Variants in ABCC4 observed in about 807,000 individuals in gnomAD.
The protein encoded by ABCC4 is ATP binding cassette subfamily C member 4 (PEL blood group), also known as ATP-binding cassette sub-family C member 4.
Under a neutral mutation model 168.5 loss-of-function variants are expected in ABCC4, and 102 were observed. That is an observed-to-expected ratio of 0.61 (90% CI 0.52 to 0.71). ABCC4 has a LOEUF of 0.71. Among genes scored for constraint, ABCC4 ranks in the 30% least tolerant of loss-of-function variants. The pLI is 0.00. For synonymous variants in ABCC4, 617 were observed against 590.7 expected, an observed-to-expected ratio of 1.04 and a Z score of -0.65; for missense variants, 1,402 against 1,605.8, an observed-to-expected ratio of 0.87 and a Z score of 2.17.
chr13:95,288,024 G>A (rs1000277026), intron 1 of ABCC4, among the ~76,000 whole-genome samples: 15 of 151,882 alleles, frequency 9.9e-5, no homozygotes, highest in Admixed American at 2.6e-4. Flanking sequence ...CCTGGGCAAC[G>A]GAGTGAGACT....
At chr13:95,048,572 C>T (rs2032692318) in intron 27 of ABCC4, among the ~76,000 whole-genome samples, 1 of 152,188 alleles carries the variant, frequency 6.6e-6, no homozygotes, top group Admixed American at 6.5e-5. Flanking sequence ...AGCGGAAGCC[C>T]ATTCTGGGCA....
intron 20 of ABCC4, among the ~76,000 whole-genome samples, chr13:95,113,216 G>A (rs910719186): frequency 1.3e-5 from 2 of 152,054 alleles, no homozygotes; most frequent in Admixed American, 6.5e-5. Flanking sequence ...AAAGATCAAC[G>A]ACTTTAAGCA....
At chr13:95,182,824 A>G (rs1439565936) in intron 11 of ABCC4, among the ~76,000 whole-genome samples, 1 of 152,208 alleles carries the variant, frequency 6.6e-6, no homozygotes, top group South Asian at 2.1e-4. Context: ...TACCCACTAA[A>G]GTATCTAACA....
At chr13:95,035,322 G>A (rs1342976020) in intron 29 of ABCC4, among the ~76,000 whole-genome samples, 2 of 152,182 alleles carry the variant, frequency 1.3e-5, no homozygotes, top group Non-Finnish European at 2.9e-5. Context: ...TGAGGTTAAG[G>A]TGCATTCTGA....
chr13:95,021,594 A>G lies in ABCC4; in HGVS notation c.3959T>C (p.Ile1320Thr), dbSNP rs774401052. The change falls in exon 31 of 31, where the codon ATT becomes ACT. Residue 1320 changes from isoleucine (I) to threonine (T), a missense_variant. Transcript: ENST00000645237. ...TSNGQPSTLT[I>T]FETAL Reference sequence around the variant, plus strand: ...TTGGATTCACAGTGCTGTCTCGAAAATAGTTAAGGTCGAGGGCTGTCCATT... The same window carrying G: ...TTGGATTCACAGTGCTGTCTCGAAAGTAGTTAAGGTCGAGGGCTGTCCATT... 37 of 1,611,382 alleles carry G rather than the reference A, an allele frequency of 2.3e-5. 1 individual carries two copies. The highest frequency in any genetic ancestry group is 2.1e-4 in the South Asian group (19 of 90,934).
chr13:95,232,350 T>C (rs1320887557), intron 4 of ABCC4, among the ~76,000 whole-genome samples: 1 of 152,182 alleles, frequency 6.6e-6, no homozygotes, highest in Non-Finnish European at 1.5e-5. Flanking sequence ...ACGGACACTC[T>C]GGATAAGTGA....
intron 25 of ABCC4, among the ~76,000 whole-genome samples, chr13:95,064,172 T>C (rs1322689245): frequency 6.6e-6 from 1 of 150,994 alleles, no homozygotes; most frequent in South Asian, 2.1e-4. Context: ...AACTTTGGAG[T>C]CATATTCTAC....
chr13:95,197,513 T>A (rs2038491803), intron 8 of ABCC4, among the ~76,000 whole-genome samples: 1 of 152,132 alleles, frequency 6.6e-6, no homozygotes, highest in South Asian at 2.1e-4. Flanking sequence ...GAGACTCCAC[T>A]CAACACATGA....
chr13:95,288,254 C>T (rs559190277), intron 1 of ABCC4, among the ~76,000 whole-genome samples: 3 of 152,204 alleles, frequency 2.0e-5, no homozygotes, highest in South Asian at 4.2e-4. Flanking sequence ...CAATAACTAG[C>T]TTCTCACTTG....
intron 16 of ABCC4, 46 bp downstream of exon 16, chr13:95,164,332 A>C (rs750958617): frequency 6.2e-7 from 1 of 1,607,414 alleles, no homozygotes; most frequent in Non-Finnish European, 8.5e-7. Flanking sequence ...AAACATAGGT[A>C]CTGTAAATAT....
At chr13:95,090,406 A>G (rs2034393876) in intron 20 of ABCC4, among the ~76,000 whole-genome samples, 2 of 152,296 alleles carry the variant, frequency 1.3e-5, no homozygotes, top group South Asian at 2.1e-4. Context: ...GCTGGTATCC[A>G]TGGCTGAGAG....
intron 8 of ABCC4, among the ~76,000 whole-genome samples, chr13:95,204,551 GA>G (rs886362020): frequency 3.3e-5 from 5 of 152,150 alleles, no homozygotes; most frequent in African/African-American, 9.7e-5. Context: ...ACCCTGTGAA[GA>G]AAGTGCCTGC....
chr13:95,169,197 T>C (rs571575293), intron 14 of ABCC4, among the ~76,000 whole-genome samples: 5 of 152,288 alleles, frequency 3.3e-5, no homozygotes, highest in Admixed American at 3.3e-4. Flanking sequence ...CTCAGAACAG[T>C]GAGACAATAC....
intron 1 of ABCC4, among the ~76,000 whole-genome samples, chr13:95,292,411 T>C (rs2041425437): frequency 6.6e-6 from 1 of 152,102 alleles, no homozygotes; most frequent in Non-Finnish European, 1.5e-5. Context: ...TTGAATACTA[T>C]GAGGCGAGCA....
intron 4 of ABCC4, among the ~76,000 whole-genome samples, chr13:95,234,390 AC>A (rs1379020293): frequency 1.3e-5 from 2 of 152,222 alleles, no homozygotes; most frequent in East Asian, 3.8e-4. Context: ...AAGAAAAAAA[AC>A]ATTGGCCTGA....
intron 29 of ABCC4, among the ~76,000 whole-genome samples, chr13:95,038,374 CAAA>C (rs74617293): frequency 4.1e-5 from 4 of 97,644 alleles, no homozygotes; most frequent in Non-Finnish European, 5.7e-5. Flanking sequence ...AGCCCATACT[CAAA>C]AAAAAAAAAA....
At chr13:95,267,787 G>C (rs181831784) in intron 1 of ABCC4, among the ~76,000 whole-genome samples, 1 of 152,288 alleles carries the variant, frequency 6.6e-6, no homozygotes, top group African/African-American at 2.4e-5. Flanking sequence ...GATGACTCAG[G>C]ATGGGGGCTG....
In ABCC4 at chr13:95,209,558, G is replaced by A; in HGVS notation, c.661C>T (p.Gln221Ter). 3.1e-6 allele frequency: 5 copies of A among 1,614,104 alleles called. No individual in the cohort carries two copies. Among genetic ancestry groups the A allele is most frequent in the Non-Finnish European group, 4.2e-6 (5 of 1,179,956 alleles). Residue 221 changes from glutamine to a stop codon, truncating the protein, a stop_gained, in exon 6 of 31, where the codon CAG (glutamine) becomes TAG (stop). Coordinates refer to ENST00000645237, the MANE Select transcript of ABCC4 (RefSeq NM_005845.5). LOFTEE classifies it high-confidence loss of function. ...AGTAGGGCAGTCACTGCAATCGCCT[G>A]CAGTGGTCCTGCCCACAGGAAGTGT... The part of the protein sequence containing the change: ...FLHFLWAGPL[Q>*]AIAVTALLWM...
intron 1 of ABCC4, among the ~76,000 whole-genome samples, chr13:95,282,915 G>A (rs879309539): frequency 3.3e-5 from 5 of 152,086 alleles, no homozygotes; most frequent in Middle Eastern, 3.4e-3. Flanking sequence ...CTTGTAGAAC[G>A]TGATCAAAAT....
Sources: gnomAD v4.1 joint callset for allele counts (sites outside exome capture counted in the v4.1 genomes callset) on GRCh38, gnomAD v4.1.1 for gene constraint, MANE v1.5 for transcripts, NCBI Gene and HGNC (gene_info 2026-07-23, HGNC 2026-07-21) for gene names.